The following RIOK3 variants were observed in gnomAD, a reference collection of about 807,000 sequenced individuals.
The protein encoded by RIOK3 is RIO kinase 3.
In RIOK3, 40 loss-of-function variants were observed where a neutral mutation model predicts 63.5. The ratio of observed to expected loss-of-function variants is 0.63; its 90% CI spans 0.49 to 0.82. The LOEUF (loss-of-function observed/expected upper bound fraction) is 0.82, where lower values mean the gene tolerates loss of function less well. Among genes scored for constraint, RIOK3 ranks in the 40% least tolerant of loss-of-function variants. The pLI is 0.00. For missense variants in RIOK3, 557 were observed against 637.0 expected, an observed-to-expected ratio of 0.87 and a Z score of 1.35; for synonymous variants, 193 against 205.0, an observed-to-expected ratio of 0.94 and a Z score of 0.50.
In RIOK3 at chr18:23,453,317, C is replaced by A. The variant is rs997366503; in HGVS notation, c.-123C>A. On this transcript the variant is annotated 5_prime_UTR_variant, in exon 1 of 13. Coordinates refer to ENST00000339486, the MANE Select transcript of RIOK3 (RefSeq NM_003831.5). ...CGGACGCGGCCGCCGCCGTCGCCGCCATCTGTCACCTCCACTCCGGCATCA... is the reference window on the plus strand; with the variant it reads ...CGGACGCGGCCGCCGCCGTCGCCGCAATCTGTCACCTCCACTCCGGCATCA... The A allele has an allele frequency of 1.2e-6, 1 of 804,222 alleles. No individual in the cohort carries two copies. The highest frequency in any genetic ancestry group is 2.1e-6 in the Non-Finnish European group (1 of 469,326). The allele number at this position is 804,222 out of a possible 1,614,324, so 49.8% of individuals were successfully genotyped here. A position where few individuals can be genotyped will look rare whatever the true frequency, so the allele number is the denominator to read the frequency against.
At chr18:23,469,494 C>G (rs1039486114) in intron 7 of RIOK3, among the ~76,000 whole-genome samples, 8 of 131,840 alleles carry the variant, frequency 6.1e-5, no homozygotes, top group Admixed American at 2.3e-4. Flanking sequence ...TTCCTTCTTT[C>G]TTTTTTTTTT....
chr18:23,463,616 T>C (rs2057386310), intron 2 of RIOK3, among the ~76,000 whole-genome samples: 1 of 152,008 alleles, frequency 6.6e-6, no homozygotes, highest in Non-Finnish European at 1.5e-5. Flanking sequence ...TCCATGTTGG[T>C]CAGGTTGGTC....
At chr18:23,474,482 T>C (rs2057476257) in intron 8 of RIOK3, among the ~76,000 whole-genome samples, 1 of 152,232 alleles carries the variant, frequency 6.6e-6, no homozygotes, top group South Asian at 2.1e-4. Context: ...CCTGCCTTTC[T>C]TAAAATTCTT....
At chr18:23,477,635 C>T (rs111716353) in intron 11 of RIOK3, among the ~76,000 whole-genome samples, 13,285 of 150,956 alleles carry the variant, frequency 0.088, 632 homozygotes, top group African/African-American at 0.11. Context: ...TGGTGGCAGG[C>T]GCCTGTAATC....
intron 7 of RIOK3, among the ~76,000 whole-genome samples, chr18:23,470,047 A>G (rs1449960720): frequency 6.6e-6 from 1 of 152,206 alleles, no homozygotes; most frequent in Admixed American, 6.5e-5. Flanking sequence ...ATTGCCAGGC[A>G]CATTCAGGGA....
intron 1 of RIOK3, among the ~76,000 whole-genome samples, chr18:23,454,550 T>C (rs2057325698): frequency 6.6e-6 from 1 of 152,244 alleles, no homozygotes. Context: ...ATGAAATCAG[T>C]AGACAGACTA....
At chr18:23,468,479 T>G (rs1032510922) in intron 7 of RIOK3, among the ~76,000 whole-genome samples, 4 of 151,886 alleles carry the variant, frequency 2.6e-5, no homozygotes, top group Admixed American at 2.0e-4. Flanking sequence ...ATTTGTGTGT[T>G]TTTAGTAGAG....
At chr18:23,461,376 C>T (rs1410003492) in intron 1 of RIOK3, among the ~76,000 whole-genome samples, 2 of 152,166 alleles carry the variant, frequency 1.3e-5, no homozygotes, top group African/African-American at 4.8e-5. Context: ...GGAGATGGAA[C>T]CCATCACATC....
intron 6 of RIOK3, 123 bp from the exon 7 acceptor site, chr18:23,467,276 T>C (rs966588488): frequency 2.6e-5 from 19 of 725,576 alleles, no homozygotes; most frequent in Non-Finnish European, 3.9e-5. Context: ...ATGGTGCCAT[T>C]GTACTCTAGC....
chr18:23,478,458 T>C (rs1306020518), intron 11 of RIOK3, among the ~76,000 whole-genome samples: 1 of 151,880 alleles, frequency 6.6e-6, no homozygotes, highest in East Asian at 1.9e-4. Flanking sequence ...TAGTCCTAGC[T>C]GCTTTAACTG....
chr18:23,464,547 C>A lies in RIOK3; in HGVS notation c.462C>A (p.Gly154=). 6.2e-7 allele frequency: 1 copy of A among 1,606,208 alleles called. No homozygotes were observed. Among genetic ancestry groups the A allele is most frequent in the Non-Finnish European group, 8.5e-7 (1 of 1,177,772 alleles). The change falls in exon 5 of 13, where the codon GGC becomes GGA. Residue 154 remains glycine, a synonymous_variant. Coordinates refer to ENST00000339486, the MANE Select transcript of RIOK3 (RefSeq NM_003831.5). ...PAKPVPTPKK[G]FIGKGKDITT... ...AACCGGTTCCCACTCCTAAAAAGGGCTTTATTGGAAAAGGAAAAGATATCA... is the reference window on the plus strand; with the variant it reads ...AACCGGTTCCCACTCCTAAAAAGGGATTTATTGGAAAAGGAAAAGATATCA...
intron 12 of RIOK3, among the ~76,000 whole-genome samples, chr18:23,480,897 G>A (rs762185242): frequency 7.9e-5 from 12 of 152,108 alleles, no homozygotes; most frequent in Non-Finnish European, 1.6e-4. Flanking sequence ...GACCAGCCTG[G>A]GCAACATAGT....
chr18:23,465,011 A>G (rs1274373771), intron 5 of RIOK3, among the ~76,000 whole-genome samples: 2 of 152,210 alleles, frequency 1.3e-5, no homozygotes, highest in African/African-American at 2.4e-5. Context: ...TCTTTTGTGC[A>G]TTTTGAATTT....
intron 2 of RIOK3, 95 bp downstream of exon 2, chr18:23,463,174 G>A: frequency 1.3e-6 from 1 of 768,548 alleles, no homozygotes; most frequent in East Asian, 2.7e-5. Context: ...GGAAAAAGCA[G>A]TGCAGAAGAA....
At chr18:23,478,234 T>G (rs1278305663) in intron 11 of RIOK3, among the ~76,000 whole-genome samples, 3 of 152,242 alleles carry the variant, frequency 2.0e-5, no homozygotes, top group Middle Eastern at 3.4e-3. Context: ...CAGTCTCTAT[T>G]GTGGGACAGT....
intron 7 of RIOK3, 122 bp from the exon 8 acceptor site, chr18:23,473,307 A>G: frequency 1.7e-6 from 1 of 600,096 alleles, no homozygotes; most frequent in African/African-American, 1.9e-5. Context: ...AAGGCTTAAA[A>G]AAACAAGACT....
Position 23,463,026 on chromosome 18 carries a change from G to A in RIOK3, c.126G>A (p.Gln42=), listed in dbSNP as rs141535428. The change falls in exon 2 of 13, where the codon CAG becomes CAA. Residue 42 remains glutamine (Q), a synonymous_variant. Transcript: ENST00000339486. ...CTTTGGCTGATGTAATGAGTGAACA[G>A]CTGGCCAAAGAATTGCAGTTAGAAG... is the stretch of plus-strand genomic sequence containing the variant. The part of the protein sequence containing the change: ...SCSLADVMSE[Q]LAKELQLEEE... The A allele has an allele frequency of 1.7e-5, 27 of 1,610,028 alleles. No homozygotes were observed. In the African/African-American group the frequency reaches 2.9e-4, roughly 18 times the overall value.
chr18:23,480,884 C>T (rs1039717853), intron 12 of RIOK3, among the ~76,000 whole-genome samples: 4 of 152,076 alleles, frequency 2.6e-5, no homozygotes, highest in Non-Finnish European at 4.4e-5. Flanking sequence ...GTCAGGAGTT[C>T]GAGACCAGCC....
chr18:23,473,902 C>T (rs780628843), intron 8 of RIOK3, among the ~76,000 whole-genome samples: 4 of 152,128 alleles, frequency 2.6e-5, no homozygotes, highest in Non-Finnish European at 5.9e-5. Context: ...TTCCAGCATC[C>T]AATTAGGCTT....
Sources: allele counts gnomAD v4.1 joint callset (sites outside exome capture counted in the v4.1 genomes callset), GRCh38; gene constraint gnomAD v4.1.1; transcripts MANE v1.5; gene names NCBI Gene and HGNC (gene_info 2026-07-23, HGNC 2026-07-21).